Variants in CANX observed in about 807,000 individuals in gnomAD.
CANX encodes calnexin.
Under a neutral mutation model 75.7 loss-of-function variants are expected in CANX, and 14 were observed. That is an observed-to-expected ratio of 0.19 (90% CI 0.12 to 0.29). The LOEUF is 0.29. Among genes scored for constraint, CANX ranks in the 10% least tolerant of loss-of-function variants. The pLI, the probability that CANX is intolerant of heterozygous loss-of-function variation, is 1.00. For synonymous variants in CANX, 227 were observed against 236.9 expected (o/e 0.96, Z 0.38); for missense variants, 567 against 713.2 (o/e 0.79, Z 2.34).
At position 179,682,975 on chromosome 5, in the gene CANX, G is replaced by A. The variant is rs1002234180; in HGVS notation, c.-4+4198G>A. On this transcript the variant is annotated intron_variant, in intron 1 of 14. Coordinates refer to the CANX transcript ENST00000681674. The stretch of plus-strand genomic sequence containing the variant: ...CGGACAGTGGAAGGAAATGACGTCA[G>A]TCCTACCTACTAAGCCCACCCACCT... Among the ~76,000 whole-genome samples the A allele has an allele frequency of 5.9e-5, 9 of 152,328 alleles. No individual in the cohort carries two copies. In the South Asian group the frequency reaches 1.4e-3, roughly 25 times the overall value.
intron 1 of CANX, among the ~76,000 whole-genome samples, chr5:179,681,409 G>A (rs182313599): frequency 2.0e-4 from 30 of 152,286 alleles, no homozygotes; most frequent in South Asian, 1.2e-3. Context: ...TTGTTCAAGT[G>A]AATTATTGGG....
chr5:179,695,227 G>T (rs558335691), upstream of CANX, among the ~76,000 whole-genome samples: 2 of 151,744 alleles, frequency 1.3e-5, no homozygotes, highest in Non-Finnish European at 2.9e-5. Flanking sequence ...TTTTTTGTGT[G>T]TGTGGTTTTT....
At chr5:179,700,117 G>C (rs1441347407) in intron 1 of CANX, 1 of 152,182 alleles carries the variant, frequency 6.6e-6, no homozygotes, top group African/African-American at 2.4e-5. Flanking sequence ...AACTGGTTCA[G>C]TCCTGTTTCG....
intron 1 of CANX, among the ~76,000 whole-genome samples, chr5:179,681,805 G>A (rs1411374570): frequency 1.3e-5 from 2 of 152,052 alleles, no homozygotes; most frequent in East Asian, 3.8e-4. Context: ...CAAATTAGCT[G>A]GGCGTGGTGG....
chr5:179,696,050 G>A (rs560924004), upstream of CANX, among the ~76,000 whole-genome samples: 2 of 151,818 alleles, frequency 1.3e-5, no homozygotes, highest in Admixed American at 6.6e-5. Context: ...CTCCTGAGTA[G>A]CTGAGACTAC....
intron 10 of CANX, among the ~76,000 whole-genome samples, chr5:179,721,542 A>G (rs1037135534): frequency 1.3e-5 from 2 of 152,192 alleles, no homozygotes; most frequent in East Asian, 3.8e-4. Flanking sequence ...TGGTGGGTAG[A>G]GGACTGTGGT....
intron 6 of CANX, 74 bp from the exon 7 acceptor site, chr5:179,709,799 C>A: frequency 1.1e-6 from 1 of 911,452 alleles, no homozygotes; most frequent in Non-Finnish European, 1.6e-6. Context: ...GAGGAATTAT[C>A]ATACACTTTT....
At chr5:179,683,966 A>G (rs1303509444) in intron 1 of CANX, among the ~76,000 whole-genome samples, 1 of 152,130 alleles carries the variant, frequency 6.6e-6, no homozygotes, top group Non-Finnish European at 1.5e-5. Context: ...AACACCACAC[A>G]ATTTGTTTTT....
chr5:179,682,724 A>C (rs1020213173), intron 1 of CANX, among the ~76,000 whole-genome samples: 5 of 151,910 alleles, frequency 3.3e-5, no homozygotes, highest in East Asian at 1.9e-4. Context: ...AAAAAAAAAA[A>C]AAAACCCTAA....
At position 179,706,269 on chromosome 5, in the gene CANX, A is replaced by G; in HGVS notation, c.183A>G (p.Lys61=). 1.3e-6 allele frequency: 2 copies of G among 1,581,014 alleles called. No homozygotes were observed. The highest frequency in any genetic ancestry group is 1.3e-5 in the African/African-American group (1 of 74,348). Residue 61 remains lysine (K), a synonymous_variant, in exon 3 of 15, where the codon AAA becomes AAG. Coordinates refer to ENST00000247461, the MANE Select transcript of CANX (RefSeq NM_001746.4). ...TGTATTTAACACAGGTTACTTACAA[A>G]GCTCCAGTTCCAACAGGGGAAGTAT... The part of the protein sequence containing the change: ...APPSSPKVTY[K]APVPTGEVYF...
At chr5:179,692,379 G>C (rs1404462366) in intron 1 of CANX, among the ~76,000 whole-genome samples, 1 of 151,854 alleles carries the variant, frequency 6.6e-6, no homozygotes, top group Non-Finnish European at 1.5e-5. Flanking sequence ...CTGGCCATCT[G>C]TGTTCCTTAT....
At chr5:179,698,946 G>A (rs980049257), upstream of CANX, 18 of 1,119,676 alleles carry the variant, frequency 1.6e-5, no homozygotes, top group African/African-American at 2.4e-4. Flanking sequence ...GGCTTCGTGC[G>A]GTGGGGCTCG....
intron 10 of CANX, 36 bp from the exon 11 acceptor site, chr5:179,722,768 A>T: frequency 6.9e-7 from 1 of 1,446,270 alleles, no homozygotes. Context: ...GTTGATCATT[A>T]TCTGAAATGA....
At position 179,730,244 on chromosome 5, in the gene CANX, A is replaced by G. The variant is rs529271064; in HGVS notation, c.*1600A>G. ...TATATTGGGAAGATATTGGGAAGGA[A>G]ATATATTTGTAAAAGATGAAGGCTG... On this transcript the variant is annotated 3_prime_UTR_variant, in exon 15 of 15. Transcript: ENST00000247461. The G allele has an allele frequency of 6.5e-6, 1 of 152,692 alleles. No homozygotes were observed. The highest frequency in any genetic ancestry group is 1.9e-4 in the East Asian group (1 of 5,184). The allele number at this position is 152,692 out of a possible 1,614,324, so 9.5% of individuals were successfully genotyped here.
At chr5:179,683,598 A>C (rs979345853) in intron 1 of CANX, among the ~76,000 whole-genome samples, 1 of 151,578 alleles carries the variant, frequency 6.6e-6, no homozygotes, top group African/African-American at 2.4e-5. Flanking sequence ...CAGTGGTATG[A>C]TCTTAGCTCA....
intron 1 of CANX, among the ~76,000 whole-genome samples, chr5:179,701,485 C>T (rs1202192976): frequency 1.3e-5 from 2 of 151,584 alleles, no homozygotes; most frequent in Non-Finnish European, 2.9e-5. Flanking sequence ...GCAGGAGAAT[C>T]ACTAAACCTG....
At chr5:179,681,282 A>G (rs1226964000) in intron 1 of CANX, among the ~76,000 whole-genome samples, 1 of 152,192 alleles carries the variant, frequency 6.6e-6, no homozygotes, top group Non-Finnish European at 1.5e-5. Flanking sequence ...GAGTGATCAT[A>G]AGCAGAGTCC....
rs150531576 is a variant in CANX at position 179,704,989 on chromosome 5, T to G, written c.-3-690T>G. ...AAGCCTTAATATGAGAGGAATTATC[T>G]TCTGTGTTAATTTTTTTTTTTGAGA... On this transcript the variant is annotated intron_variant, in intron 1 of 14. Coordinates refer to ENST00000247461, the MANE Select transcript of CANX (RefSeq NM_001746.4). Among the ~76,000 whole-genome samples, 50 of 152,142 alleles carry G rather than the reference T, an allele frequency of 3.3e-4. 1 individual carries two copies. The highest frequency in any genetic ancestry group is 9.6e-4 in the African/African-American group (40 of 41,468).
rs1187731391 is a variant in CANX at position 179,729,446 on chromosome 5, AATG to A, written c.*803_*805del. The A allele has an allele frequency of 6.5e-6, 1 of 152,998 alleles. No homozygotes were observed. Among genetic ancestry groups the A allele is most frequent in the Non-Finnish European group, 1.5e-5 (1 of 68,266 alleles). The allele number at this position is 152,998 out of a possible 1,614,324, so 9.5% of individuals were successfully genotyped here. The stretch of plus-strand genomic sequence containing the variant: ...TTCTGGAGCAGGTGGCTTGTTAAGG[AATG>A]CTAGCAGGGCATGGCACGTGAGCTC... On this transcript the variant is annotated 3_prime_UTR_variant, in exon 15 of 15. Coordinates refer to ENST00000247461, the MANE Select transcript of CANX (RefSeq NM_001746.4).
Sources: gnomAD v4.1 joint callset for allele counts (sites outside exome capture counted in the v4.1 genomes callset) on GRCh38, gnomAD v4.1.1 for gene constraint, MANE v1.5 for transcripts, NCBI Gene and HGNC (gene_info 2026-07-23, HGNC 2026-07-21) for gene names.